The following ARHGAP24 variants were observed in gnomAD, a reference collection of about 807,000 sequenced individuals.
The protein encoded by ARHGAP24 is rho GTPase-activating protein 24.
ARHGAP24 carries 50 observed loss-of-function variants against 76.4 expected under a neutral mutation model. The observed-to-expected ratio is 0.65, with a 90% CI of 0.52 to 0.83. The LOEUF (loss-of-function observed/expected upper bound fraction) is 0.83. Ranked by LOEUF, ARHGAP24 falls within the 40% of genes least tolerant of loss-of-function variation. The pLI is 0.00. For missense variants in ARHGAP24, 930 were observed against 914.2 expected (o/e 1.02, Z -0.22); for synonymous variants, 345 against 323.3 (o/e 1.07, Z -0.72).
At chr4:85,750,053 C>T (rs1286817608) in intron 3 of ARHGAP24, among the ~76,000 whole-genome samples, 2 of 152,114 alleles carry the variant, frequency 1.3e-5, no homozygotes, top group Admixed American at 6.5e-5. Flanking sequence ...ACGTACTGTG[C>T]CTGGCACTGT....
chr4:85,781,677 G>C (rs1026899736), intron 3 of ARHGAP24, among the ~76,000 whole-genome samples: 1 of 152,058 alleles, frequency 6.6e-6, no homozygotes, highest in Non-Finnish European at 1.5e-5. Flanking sequence ...CAATGAATTA[G>C]AGACTGGCTT....
intron 2 of ARHGAP24, among the ~76,000 whole-genome samples, chr4:85,679,534 C>A (rs1157742086): frequency 6.6e-6 from 1 of 152,160 alleles, no homozygotes; most frequent in Non-Finnish European, 1.5e-5. Flanking sequence ...GATAATGTCC[C>A]TGGTCTTACT....
At chr4:85,871,846 A>C (rs1253766186) in intron 3 of ARHGAP24, among the ~76,000 whole-genome samples, 1 of 152,142 alleles carries the variant, frequency 6.6e-6, no homozygotes, top group African/African-American at 2.4e-5. Context: ...GAAATATATT[A>C]TATTATCTAT....
chr4:85,959,043 G>A lies in ARHGAP24; in HGVS notation c.600-12993G>A, dbSNP rs1419004156. Among the ~76,000 whole-genome samples the A allele has an allele frequency of 4.6e-5, 7 of 152,196 alleles. No homozygotes were observed. In the East Asian group the frequency reaches 1.3e-3, roughly 29 times the overall value. ...TCAGGGCGAGTCCGTAGAGTAAAGTGACAGCAAGTTTATTAGGAAAGTAAT... is the reference window on the plus strand; with the variant it reads ...TCAGGGCGAGTCCGTAGAGTAAAGTAACAGCAAGTTTATTAGGAAAGTAAT... On this transcript the variant is annotated intron_variant, in intron 5 of 9. Coordinates refer to ENST00000395184, the MANE Select transcript of ARHGAP24 (RefSeq NM_001025616.3).
chr4:85,717,441 G>A lies in ARHGAP24; in HGVS notation c.181-4444G>A, dbSNP rs142041380. Among the ~76,000 whole-genome samples the A allele has an allele frequency of 2.6e-3, 395 of 152,060 alleles. 1 individual carries two copies. Among genetic ancestry groups the A allele is most frequent in the African/African-American group, 9.0e-3 (372 of 41,496 alleles). Reference sequence around the variant, plus strand: ...ATCATTAAATCTCCATCTGCTTTGCGCAAGAACCTACCCTGGCTCTCAGCT... The same window carrying A: ...ATCATTAAATCTCCATCTGCTTTGCACAAGAACCTACCCTGGCTCTCAGCT... On this transcript the variant is annotated intron_variant, in intron 2 of 9. Coordinates refer to ENST00000395184, the MANE Select transcript of ARHGAP24 (RefSeq NM_001025616.3).
intron 2 of ARHGAP24, among the ~76,000 whole-genome samples, chr4:85,578,732 T>G (rs1470809731): frequency 8.1e-6 from 1 of 123,940 alleles, no homozygotes; most frequent in Admixed American, 9.0e-5. Flanking sequence ...TTAATAAATA[T>G]TAGCTATTGA....
intron 1 of ARHGAP24, among the ~76,000 whole-genome samples, chr4:85,480,421 C>T (rs572990467): frequency 5.3e-5 from 8 of 152,186 alleles, no homozygotes; most frequent in African/African-American, 1.9e-4. Context: ...CTCAATTGTA[C>T]GCCAGTCAAG....
intron 1 of ARHGAP24, among the ~76,000 whole-genome samples, chr4:85,509,740 A>T (rs1159623595): frequency 6.6e-6 from 1 of 152,050 alleles, no homozygotes; most frequent in Non-Finnish European, 1.5e-5. Context: ...TGGTTTGATT[A>T]TATTGAAGAA....
chr4:85,494,962 G>T (rs1451582649), intron 1 of ARHGAP24, among the ~76,000 whole-genome samples: 1 of 151,780 alleles, frequency 6.6e-6, no homozygotes, highest in Non-Finnish European at 1.5e-5. Context: ...GCTGGGCGGG[G>T]TGGCGGGCGC....
chr4:85,756,947 A>G (rs1027132188), intron 3 of ARHGAP24, among the ~76,000 whole-genome samples: 1 of 152,164 alleles, frequency 6.6e-6, no homozygotes, highest in African/African-American at 2.4e-5. Context: ...TATTTATTGG[A>G]GCCCCGAGTA....
In ARHGAP24 at chr4:86,001,503, A is replaced by C; in HGVS notation, c.*781A>C. The C allele has an allele frequency of 2.5e-6, 1 of 398,530 alleles. No individual in the cohort carries two copies. The allele number at this position is 398,530 out of a possible 1,614,324, so 24.7% of individuals were successfully genotyped here. A position where few individuals can be genotyped will look rare whatever the true frequency, so the allele number is the denominator to read the frequency against. On this transcript the variant is annotated 3_prime_UTR_variant, in exon 10 of 10. Coordinates refer to ENST00000395184, the MANE Select transcript of ARHGAP24 (RefSeq NM_001025616.3). ...CTTAGAAAAGAAAAAATGGTAAAGAATGGCATTTAACGATTCAGGCTTTGA... is the reference window on the plus strand; with the variant it reads ...CTTAGAAAAGAAAAAATGGTAAAGACTGGCATTTAACGATTCAGGCTTTGA...
intron 3 of ARHGAP24, among the ~76,000 whole-genome samples, chr4:85,856,669 C>T (rs903381643): frequency 1.3e-5 from 2 of 152,004 alleles, no homozygotes; most frequent in African/African-American, 4.8e-5. Flanking sequence ...TAGAGTTTCA[C>T]CATGTTGACC....
intron 2 of ARHGAP24, among the ~76,000 whole-genome samples, chr4:85,627,353 G>T (rs1720997400): frequency 6.6e-6 from 1 of 152,170 alleles, no homozygotes; most frequent in South Asian, 2.1e-4. Context: ...GACCCTGTTT[G>T]CCTGGGTATC....
In ARHGAP24 at chr4:85,491,341, T is replaced by A. The variant is rs531187854; in HGVS notation, c.-21+15782T>A. ...AACAATTTTGTTATCTCTCATTTCC[T>A]CTGCTAATTTTTGTGTTTAACTTTA... On this transcript the variant is annotated intron_variant, in intron 1 of 9. Transcript: ENST00000395184. 3.9e-5 allele frequency among the ~76,000 whole-genome samples: 6 copies of A among 152,346 alleles called. No individual in the cohort carries two copies. In the East Asian group the frequency reaches 1.2e-3, roughly 29 times the overall value.
chr4:85,980,423 A>C lies in ARHGAP24; in HGVS notation c.928+2732A>C, dbSNP rs1244388656. On this transcript the variant is annotated intron_variant, in intron 8 of 9. Transcript: ENST00000395184. ...CCTGGTTTGCAAAGACACTGAGGATAACAGAATTAGAACATCTCATAATTA... is the reference window on the plus strand; with the variant it reads ...CCTGGTTTGCAAAGACACTGAGGATCACAGAATTAGAACATCTCATAATTA... Among the ~76,000 whole-genome samples the C allele has an allele frequency of 3.9e-5, 6 of 152,308 alleles. No individual in the cohort carries two copies. The East Asian group carries it at 1.2e-3, about 29-fold the overall frequency.
At chr4:85,860,236 A>T (rs1428307125) in intron 3 of ARHGAP24, among the ~76,000 whole-genome samples, 4 of 152,066 alleles carry the variant, frequency 2.6e-5, no homozygotes, top group African/African-American at 4.8e-5. Flanking sequence ...AGAATATAAA[A>T]AGCAAATGTG....
At chr4:85,673,501 C>T (rs182760126) in intron 2 of ARHGAP24, among the ~76,000 whole-genome samples, 1 of 151,898 alleles carries the variant, frequency 6.6e-6, no homozygotes, top group Non-Finnish European at 1.5e-5. Flanking sequence ...TTCTCTCTGT[C>T]CTTTCCTTTA....
In ARHGAP24 at chr4:85,860,921, A is replaced by G. The variant is rs116644737; in HGVS notation, c.269-62727A>G. ...AATACTGGCTTTCTCAGATCATTTT[A>G]ATCAGTATTTAATATCTATCTTCTC... On this transcript the variant is annotated intron_variant, in intron 3 of 9. Transcript: ENST00000395184. 5.3e-3 allele frequency among the ~76,000 whole-genome samples: 802 copies of G among 152,040 alleles called. 4 individuals carry two copies. Among genetic ancestry groups the G allele is most frequent in the Non-Finnish European group, 7.6e-3 (518 of 67,938 alleles).
At chr4:85,550,069 T>C (rs1336379270) in intron 1 of ARHGAP24, among the ~76,000 whole-genome samples, 4 of 152,206 alleles carry the variant, frequency 2.6e-5, no homozygotes, top group Non-Finnish European at 5.9e-5. Flanking sequence ...AACATAAATA[T>C]GCATGTGTCT....
Sources: allele counts gnomAD v4.1 joint callset (sites outside exome capture counted in the v4.1 genomes callset), GRCh38; gene constraint gnomAD v4.1.1; transcripts MANE v1.5; gene names NCBI Gene and HGNC (gene_info 2026-07-23, HGNC 2026-07-21).